OXR1: variants seen among roughly 807,000 people sequenced by gnomAD.
OXR1 encodes the protein oxidation resistance 1.
A neutral mutation model predicts 104.6 loss-of-function variants in OXR1; 41 were observed. The ratio of observed to expected loss-of-function variants is 0.39; its 90% CI spans 0.31 to 0.51. The LOEUF (loss-of-function observed/expected upper bound fraction) is 0.51. Among genes scored for constraint, OXR1 ranks in the 20% least tolerant of loss-of-function variants. OXR1 has a pLI of 0.77. For synonymous variants in OXR1, 348 were observed against 348.4 expected (o/e 1.00, Z 0.01); for missense variants, 955 against 1,031.9 (o/e 0.93, Z 1.02).
At chr8:106,291,202 G>A (rs1161262926) in intron 1 of OXR1, among the ~76,000 whole-genome samples, 1 of 152,144 alleles carries the variant, frequency 6.6e-6, no homozygotes, top group Non-Finnish European at 1.5e-5. Context: ...ACCAAATACT[G>A]CATGTTTTCA....
At position 106,706,397 on chromosome 8, in the gene OXR1, A is replaced by G. The variant is rs886280194; in HGVS notation, c.876A>G (p.Leu292=). 10 of 1,574,060 alleles carry G rather than the reference A, an allele frequency of 6.4e-6. No homozygotes were observed. The highest frequency in any genetic ancestry group is 2.1e-5 in the Admixed American group (1 of 47,230). ...KESLPIDIDQ[L]SGRDFCHSKK... ...TTAATGACAGAGATATAGATCAGCT[A>G]TCAGGAAGGGACTTCTGCCATTCAA... The change falls in exon 9 of 17, where the codon CTA becomes CTG. Residue 292 remains leucine (L), a synonymous_variant. Transcript: ENST00000517566.
chr8:106,614,464 G>A (rs1246541559), intron 3 of OXR1, among the ~76,000 whole-genome samples: 1 of 152,196 alleles, frequency 6.6e-6, no homozygotes, highest in African/African-American at 2.4e-5. Flanking sequence ...AACTAGAGAT[G>A]TAGAAGCAAG....
chr8:106,542,450 ATTAAGAAC>A (rs1815028529), intron 3 of OXR1, among the ~76,000 whole-genome samples: 1 of 152,150 alleles, frequency 6.6e-6, no homozygotes, highest in Non-Finnish European at 1.5e-5. Context: ...TGAAATTCTT[ATTAAGAAC>A]TTAAAAAGTT....
At chr8:106,697,812 A>C (rs1237234085) in intron 7 of OXR1, 4 of 1,612,342 alleles carry the variant, frequency 2.5e-6, no homozygotes, top group Non-Finnish European at 2.5e-6. Flanking sequence ...GGTACAGTGC[A>C]TTATTGAGCT....
intron 11 of OXR1, among the ~76,000 whole-genome samples, chr8:106,725,166 A>T (rs1427906146): frequency 1.3e-5 from 2 of 151,616 alleles, no homozygotes; most frequent in African/African-American, 2.4e-5. Flanking sequence ...GGAATAGGGG[A>T]AATGGTTGGT....
At chr8:106,530,560 G>A (rs1478012754) in intron 3 of OXR1, among the ~76,000 whole-genome samples, 1 of 152,156 alleles carries the variant, frequency 6.6e-6, no homozygotes, top group African/African-American at 2.4e-5. Flanking sequence ...TATGAGAATG[G>A]AAAAATAGGT....
intron 2 of OXR1, among the ~76,000 whole-genome samples, chr8:106,469,573 C>T (rs7838299): frequency 0.062 from 9,432 of 151,808 alleles, 715 homozygotes; most frequent in African/African-American, 0.18. Context: ...GACTTGAATG[C>T]TTGGCTAGGG....
chr8:106,539,587 T>C (rs1316101390), intron 3 of OXR1, among the ~76,000 whole-genome samples: 1 of 152,178 alleles, frequency 6.6e-6, no homozygotes, highest in Non-Finnish European at 1.5e-5. Context: ...AAGGTTAGGA[T>C]CTGCAGTGGG....
chr8:106,750,987 T>C lies in OXR1; in HGVS notation c.*46T>C, dbSNP rs1477187377. On this transcript the variant is annotated 3_prime_UTR_variant, in exon 17 of 17. Coordinates refer to ENST00000517566, the MANE Select transcript of OXR1 (RefSeq NM_001198533.2). ...GCAGGAGAATGGCCCAAACCTGACA[T>C]GGACAAGCATTGTTTGGAAAGTTCA... 2 of 1,473,358 alleles carry C rather than the reference T, an allele frequency of 1.4e-6. No homozygotes were observed. Among genetic ancestry groups the C allele is most frequent in the African/African-American group, 2.8e-5 (2 of 70,194 alleles). 91.3% of individuals were successfully genotyped at this position (1,473,358 alleles called of 1,614,324 possible). A position where few individuals can be genotyped will look rare whatever the true frequency, so the allele number is the denominator to read the frequency against.
At chr8:106,387,316 T>C (rs750249624) in intron 2 of OXR1, among the ~76,000 whole-genome samples, 1 of 152,146 alleles carries the variant, frequency 6.6e-6, no homozygotes, top group Non-Finnish European at 1.5e-5. Context: ...AGTGGAAAAA[T>C]TATTTATTTC....
intron 1 of OXR1, among the ~76,000 whole-genome samples, chr8:106,289,319 A>G (rs1363065535): frequency 6.6e-6 from 1 of 152,242 alleles, no homozygotes; most frequent in Non-Finnish European, 1.5e-5. Flanking sequence ...ATAAGTTTTC[A>G]GTATACAAAA....
chr8:106,333,961 C>T lies in OXR1; in HGVS notation c.-138-25515C>T, dbSNP rs377751408. Among the ~76,000 whole-genome samples, 132 of 152,140 alleles carry T rather than the reference C, an allele frequency of 8.7e-4. 2 individuals are homozygous for T. Among genetic ancestry groups the T allele is most frequent in the South Asian group, 7.1e-3 (34 of 4,818 alleles). ...TTGCTGGGTCCCTTGGATTTTCATA[C>T]GATCTTATAGATAAACTTGTCTATT... On this transcript the variant is annotated intron_variant, in intron 1 of 16. Coordinates refer to ENST00000517566, the MANE Select transcript of OXR1 (RefSeq NM_001198533.2).
At chr8:106,454,895 T>C (rs1467165121) in intron 2 of OXR1, among the ~76,000 whole-genome samples, 4 of 152,196 alleles carry the variant, frequency 2.6e-5, no homozygotes, top group Admixed American at 2.6e-4. Flanking sequence ...GGACGGGGTC[T>C]CTTCCGCCTT....
Position 106,683,297 on chromosome 8 carries a change from TA to T in OXR1, c.403del (p.Thr135LeufsTer22). On this transcript the variant is annotated frameshift_variant, in exon 5 of 17. Coordinates refer to ENST00000517566, the MANE Select transcript of OXR1 (RefSeq NM_001198533.2). LOFTEE classifies it high-confidence loss of function. ...LNKLFSRAVV[T>X]GQVLYVPDPE... ...ATAAGTTATTCTCCCGAGCAGTTGT[TA>T]CTGGACAGGTAGTATCTTTTTTTTA... 6.5e-7 allele frequency: 1 copy of T among 1,534,760 alleles called. No homozygotes were observed. The highest frequency in any genetic ancestry group is 9.0e-7 in the Non-Finnish European group (1 of 1,108,636).
chr8:106,478,335 C>T (rs1434537641), intron 2 of OXR1, among the ~76,000 whole-genome samples: 3 of 151,632 alleles, frequency 2.0e-5, no homozygotes, highest in East Asian at 3.9e-4. Flanking sequence ...GCCAAATTGC[C>T]GTGAATTCAA....
At chr8:106,692,076 T>A (rs1829362088) in intron 6 of OXR1, among the ~76,000 whole-genome samples, 1 of 151,956 alleles carries the variant, frequency 6.6e-6, no homozygotes, top group African/African-American at 2.4e-5. Context: ...TACCATGTTG[T>A]TTCCATTTGT....
intron 3 of OXR1, among the ~76,000 whole-genome samples, chr8:106,570,829 A>C (rs1817420808): frequency 6.6e-6 from 1 of 152,172 alleles, no homozygotes. Flanking sequence ...CATACCTGCT[A>C]TCTTATTCAC....
chr8:106,719,951 G>T (rs1269161933), intron 11 of OXR1, among the ~76,000 whole-genome samples: 1 of 151,982 alleles, frequency 6.6e-6, no homozygotes, highest in Non-Finnish European at 1.5e-5. Flanking sequence ...GACTACAGGC[G>T]CCCGCCACCA....
chr8:106,317,523 G>A (rs1353914935), intron 1 of OXR1, among the ~76,000 whole-genome samples: 2 of 152,090 alleles, frequency 1.3e-5, no homozygotes, highest in African/African-American at 4.8e-5. Flanking sequence ...TTTAAATATC[G>A]ATCTTATTAA....
Sources: allele counts gnomAD v4.1 joint callset (sites outside exome capture counted in the v4.1 genomes callset), GRCh38; gene constraint gnomAD v4.1.1; transcripts MANE v1.5; gene names NCBI Gene and HGNC (gene_info 2026-07-23, HGNC 2026-07-21).